MALRD1: variants seen among roughly 807,000 people sequenced by gnomAD.
MALRD1 encodes the protein MAM and LDL receptor class A domain containing 1, also known as MAM and LDL-receptor class A domain-containing protein 1.
Under a neutral mutation model 242.1 loss-of-function variants are expected in MALRD1, and 247 were observed. The observed-to-expected ratio is 1.02, with a 90% CI of 0.92 to 1.13. MALRD1 has a LOEUF of 1.13. Among genes scored for constraint, MALRD1 ranks in the 50% most tolerant of loss-of-function variants. MALRD1 has a pLI of 0.00. For missense variants in MALRD1, 2,989 were observed against 2,533.1 expected (o/e 1.18, Z -3.86); for synonymous variants, 995 against 866.6 (o/e 1.15, Z -2.60).
At chr10:19,311,983 A>T (rs1842445466) in intron 21 of MALRD1, among the ~76,000 whole-genome samples, 1 of 151,460 alleles carries the variant, frequency 6.6e-6, no homozygotes, top group African/African-American at 2.4e-5. Context: ...TTATATATTC[A>T]GAATTTAGAT....
At chr10:19,227,702 TGTC>T (rs1441180003) in intron 18 of MALRD1, among the ~76,000 whole-genome samples, 1 of 152,096 alleles carries the variant, frequency 6.6e-6, no homozygotes, top group Non-Finnish European at 1.5e-5. Context: ...ATTTTAAATA[TGTC>T]TGATAAAGAA....
At chr10:19,260,697 C>G (rs1032492278) in intron 19 of MALRD1, among the ~76,000 whole-genome samples, 1 of 152,064 alleles carries the variant, frequency 6.6e-6, no homozygotes, top group Non-Finnish European at 1.5e-5. Context: ...AGTGCCTGGT[C>G]CATCATAGGT....
At chr10:19,289,641 C>CT (rs1412063244) in intron 21 of MALRD1, among the ~76,000 whole-genome samples, 1 of 152,066 alleles carries the variant, frequency 6.6e-6, no homozygotes, top group Non-Finnish European at 1.5e-5. Context: ...TATTTCTTTT[C>CT]TTAAAAAACA....
At chr10:19,502,640 C>T (rs61841367) in intron 31 of MALRD1, among the ~76,000 whole-genome samples, 14,245 of 152,044 alleles carry the variant, frequency 0.094, 698 homozygotes, top group South Asian at 0.11. Flanking sequence ...ATATGAGAAA[C>T]AAGCCAATTT....
intron 29 of MALRD1, chr10:19,489,262 GA>G: frequency 2.1e-6 from 1 of 482,260 alleles, no homozygotes. Context: ...AAACAAAAGG[GA>G]AAAGGAGAGC....
intron 26 of MALRD1, among the ~76,000 whole-genome samples, chr10:19,369,305 A>G (rs1367764102): frequency 6.8e-6 from 1 of 147,100 alleles, no homozygotes; most frequent in African/African-American, 2.5e-5. Flanking sequence ...TGTGATATAA[A>G]TATAATACAT....
chr10:19,244,250 C>G (rs942460417), intron 18 of MALRD1, among the ~76,000 whole-genome samples: 1 of 152,058 alleles, frequency 6.6e-6, no homozygotes, highest in Non-Finnish European at 1.5e-5. Flanking sequence ...TCCTTGCACG[C>G]TTAGATAATT....
chr10:19,548,582 T>C lies in MALRD1; in HGVS notation c.5478+17231T>C, dbSNP rs74122003. Among the ~76,000 whole-genome samples the C allele has an allele frequency of 2.9e-3, 446 of 152,300 alleles. 3 individuals carry two copies. The highest frequency in any genetic ancestry group is 0.01 in the African/African-American group (427 of 41,572). On this transcript the variant is annotated intron_variant, in intron 32 of 39. Coordinates refer to ENST00000454679, the MANE Select transcript of MALRD1 (RefSeq NM_001142308.3). ...GTGCCCGGCCTCATTATATTTCTTA[T>C]GGTGATCTGTGATCAGTGATCTTTG... is the stretch of plus-strand genomic sequence containing the variant.
At chr10:19,480,212 G>A (rs1836934723) in intron 29 of MALRD1, among the ~76,000 whole-genome samples, 1 of 152,202 alleles carries the variant, frequency 6.6e-6, no homozygotes, top group Admixed American at 6.5e-5. Context: ...AAAGAAGCTA[G>A]TGTGTGAATT....
Position 19,539,857 on chromosome 10 carries a change from CGTGTGTGTGTGT to C in MALRD1, c.5478+8536_5478+8547del, listed in dbSNP as rs368123598. Reference sequence around the variant, plus strand: ...ATGCGCCACCACACCCAGCTTTGTGCGTGTGTGTGTGTGTGTGTGTGTGTGTGTGTGTGTGTG... The same window carrying C: ...ATGCGCCACCACACCCAGCTTTGTGCGTGTGTGTGTGTGTGTGTGTGTGTG... On this transcript the variant is annotated intron_variant, in intron 32 of 39. Coordinates refer to ENST00000454679, the MANE Select transcript of MALRD1 (RefSeq NM_001142308.3). Among the ~76,000 whole-genome samples, 215 of 127,018 alleles carry C rather than the reference CGTGTGTGTGTGT, an allele frequency of 1.7e-3. 1 individual carries two copies. Among genetic ancestry groups the C allele is most frequent in the South Asian group, 5.2e-3 (18 of 3,470 alleles). 83.3% of individuals were successfully genotyped at this position (127,018 alleles called of 152,430 possible). A position where few individuals can be genotyped will look rare whatever the true frequency, so the allele number is the denominator to read the frequency against.
rs113442505 is a variant in MALRD1, at chr10:19,402,658, A to G, written c.4845+13049A>G. 9.0e-3 allele frequency among the ~76,000 whole-genome samples: 1,377 copies of G among 152,300 alleles called. 21 individuals carry two copies. The highest frequency in any genetic ancestry group is 0.032 in the African/African-American group (1,314 of 41,576). On this transcript the variant is annotated intron_variant, in intron 28 of 39. Transcript: ENST00000454679. ...TCTCCAAAAAAATGAATAAAATAAA[A>G]TAGTTATTCCCTTAAAATCTTTCTT...
At chr10:19,644,007 C>A (rs936045178) in intron 36 of MALRD1, among the ~76,000 whole-genome samples, 2 of 151,578 alleles carry the variant, frequency 1.3e-5, no homozygotes, top group East Asian at 1.9e-4. Flanking sequence ...TGCTACAGAT[C>A]TGTTTGTTCA....
intron 26 of MALRD1, 32 bp downstream of exon 26, chr10:19,352,329 T>G: frequency 6.6e-7 from 1 of 1,523,484 alleles, no homozygotes; most frequent in Admixed American, 2.0e-5. Flanking sequence ...TGTGTGGTAT[T>G]TTTGCATGGT....
chr10:19,150,216 C>CTGTTTT (rs777997461), intron 11 of MALRD1, among the ~76,000 whole-genome samples: 9 of 152,208 alleles, frequency 5.9e-5, no homozygotes, highest in African/African-American at 1.9e-4. Flanking sequence ...ATGCCTATGT[C>CTGTTTT]TGTTTTTGTT....
chr10:19,195,914 C>G (rs1004190849), intron 14 of MALRD1, among the ~76,000 whole-genome samples: 1 of 152,060 alleles, frequency 6.6e-6, no homozygotes, highest in African/African-American at 2.4e-5. Flanking sequence ...ATTTTTCTTC[C>G]GTCTTCTTTG....
intron 14 of MALRD1, among the ~76,000 whole-genome samples, chr10:19,192,573 G>T (rs1007024171): frequency 6.6e-6 from 1 of 152,114 alleles, no homozygotes; most frequent in Non-Finnish European, 1.5e-5. Flanking sequence ...ATGAGAATAA[G>T]CCAGGAAGAT....
At chr10:19,624,541 A>G (rs953331684) in intron 36 of MALRD1, among the ~76,000 whole-genome samples, 10 of 152,082 alleles carry the variant, frequency 6.6e-5, no homozygotes, top group African/African-American at 2.4e-4. Context: ...TGTGGAGCAG[A>G]TAATAGTATG....
intron 31 of MALRD1, among the ~76,000 whole-genome samples, chr10:19,513,978 G>C (rs1319025253): frequency 1.3e-5 from 2 of 152,094 alleles, no homozygotes; most frequent in Non-Finnish European, 2.9e-5. Flanking sequence ...CAAATGATGG[G>C]ATCTTAAAGT....
intron 2 of MALRD1, among the ~76,000 whole-genome samples, chr10:19,070,836 CTTT>C (rs3042437): frequency 0.014 from 757 of 52,390 alleles, 10 homozygotes; most frequent in African/African-American, 0.052. Context: ...AAATGACAAA[CTTT>C]TTTTTTTTTT....
Sources: allele counts gnomAD v4.1 joint callset (sites outside exome capture counted in the v4.1 genomes callset), GRCh38; gene constraint gnomAD v4.1.1; transcripts MANE v1.5; gene names NCBI Gene and HGNC (gene_info 2026-07-23, HGNC 2026-07-21).